Variants in LDB2 observed in about 807,000 individuals in gnomAD.
LDB2 encodes the protein LIM domain binding 2, also known as LIM domain-binding protein 2.
Under a neutral mutation model 44.3 loss-of-function variants are expected in LDB2, and 12 were observed. That is an observed-to-expected ratio of 0.27 (90% confidence interval 0.17 to 0.44). The LOEUF is 0.44. Ranked by LOEUF, LDB2 falls within the 20% of genes least tolerant of loss-of-function variation. The pLI is 1.00. For missense variants in LDB2, 344 were observed against 473.5 expected (o/e 0.73, Z 2.54); for synonymous variants, 164 against 174.8 (o/e 0.94, Z 0.49).
intron 5 of LDB2, among the ~76,000 whole-genome samples, chr4:16,551,804 G>A (rs1419564070): frequency 6.6e-5 from 10 of 152,010 alleles, no homozygotes; most frequent in Non-Finnish European, 1.0e-4. Flanking sequence ...GGTGTGAGCC[G>A]CCGCACCCGA....
At chr4:16,629,216 G>A (rs546432350) in intron 2 of LDB2, among the ~76,000 whole-genome samples, 73 of 152,300 alleles carry the variant, frequency 4.8e-4, no homozygotes, top group Admixed American at 1.2e-3. Context: ...ACAAAAGGCA[G>A]CAGACAGCTT....
At chr4:16,741,910 T>C (rs1174416026) in intron 2 of LDB2, among the ~76,000 whole-genome samples, 1 of 152,206 alleles carries the variant, frequency 6.6e-6, no homozygotes, top group African/African-American at 2.4e-5. Flanking sequence ...TTAAACCTTA[T>C]GAGGTCAGGG....
At chr4:16,590,095 A>G (rs1718391180) in intron 3 of LDB2, among the ~76,000 whole-genome samples, 1 of 152,196 alleles carries the variant, frequency 6.6e-6, no homozygotes, top group African/African-American at 2.4e-5. Context: ...AATGGTCATC[A>G]TGTGCCACCT....
chr4:16,734,730 T>G (rs1190903206), intron 2 of LDB2, among the ~76,000 whole-genome samples: 1 of 146,958 alleles, frequency 6.8e-6, no homozygotes, highest in Non-Finnish European at 1.5e-5. Flanking sequence ...TTTTTTGAGA[T>G]GGAGTTTTGC....
chr4:16,591,955 G>A (rs541022683), intron 3 of LDB2, among the ~76,000 whole-genome samples: 1 of 151,880 alleles, frequency 6.6e-6, no homozygotes, highest in South Asian at 2.1e-4. Flanking sequence ...CTGTTGTGCT[G>A]AATTCATGTT....
At chr4:16,550,445 A>G (rs919013611) in intron 5 of LDB2, among the ~76,000 whole-genome samples, 3 of 152,250 alleles carry the variant, frequency 2.0e-5, no homozygotes, top group African/African-American at 7.2e-5. Flanking sequence ...TGAAAGAATG[A>G]GCTCTCAGAA....
intron 1 of LDB2, among the ~76,000 whole-genome samples, chr4:16,782,904 T>A (rs1487877137): frequency 6.6e-6 from 1 of 152,068 alleles, no homozygotes; most frequent in African/African-American, 2.4e-5. Context: ...TTGGTGTAGA[T>A]AACTTTAGAC....
At chr4:16,798,550 C>T (rs1211311729) in intron 1 of LDB2, among the ~76,000 whole-genome samples, 1 of 152,218 alleles carries the variant, frequency 6.6e-6, no homozygotes, top group East Asian at 1.9e-4. Context: ...TGACTGCCAC[C>T]TCCCAGAAAG....
intron 2 of LDB2, among the ~76,000 whole-genome samples, chr4:16,650,967 T>C (rs2152524335): frequency 6.6e-6 from 1 of 152,346 alleles, no homozygotes. Context: ...GGTTATCATG[T>C]GTGGGGGAAA....
intron 1 of LDB2, among the ~76,000 whole-genome samples, chr4:16,765,880 TTTTGA>T (rs1424700437): frequency 1.1e-4 from 16 of 152,326 alleles, no homozygotes; most frequent in Non-Finnish European, 2.2e-4. Flanking sequence ...ACTGCCACGC[TTTTGA>T]GCCACCTTTG....
At chr4:16,763,749 G>A (rs1768520743) in intron 1 of LDB2, among the ~76,000 whole-genome samples, 2 of 152,262 alleles carry the variant, frequency 1.3e-5, no homozygotes, top group Middle Eastern at 6.8e-3. Context: ...GGGCAGAGCA[G>A]GCAGCCTTAT....
chr4:16,892,904 G>C (rs1430930219), intron 1 of LDB2, among the ~76,000 whole-genome samples: 1 of 151,924 alleles, frequency 6.6e-6, no homozygotes, highest in East Asian at 1.9e-4. Flanking sequence ...AGGCTGATAA[G>C]AATCTGTGTT....
At chr4:16,599,633 A>G (rs950247562) in intron 2 of LDB2, among the ~76,000 whole-genome samples, 6 of 152,144 alleles carry the variant, frequency 3.9e-5, no homozygotes, top group African/African-American at 1.2e-4. Flanking sequence ...AGCAATAAAA[A>G]ATACAAGAAA....
chr4:16,670,326 C>T (rs960404829), intron 2 of LDB2, among the ~76,000 whole-genome samples: 1 of 152,198 alleles, frequency 6.6e-6, no homozygotes, highest in Non-Finnish European at 1.5e-5. Flanking sequence ...CTATCACTTT[C>T]TTCTGCTTCT....
At chr4:16,698,243 G>C (rs1270377605) in intron 2 of LDB2, among the ~76,000 whole-genome samples, 4 of 152,146 alleles carry the variant, frequency 2.6e-5, no homozygotes, top group African/African-American at 7.2e-5. Flanking sequence ...TCTTGAACAT[G>C]TGTCTTGATA....
At chr4:16,647,335 G>A (rs948436077) in intron 2 of LDB2, among the ~76,000 whole-genome samples, 19 of 152,136 alleles carry the variant, frequency 1.2e-4, no homozygotes, top group African/African-American at 4.3e-4. Context: ...TGATGAAAAT[G>A]TTCTAAAATT....
At chr4:16,820,878 T>C (rs1010724421) in intron 1 of LDB2, among the ~76,000 whole-genome samples, 3 of 152,230 alleles carry the variant, frequency 2.0e-5, no homozygotes, top group African/African-American at 7.2e-5. Context: ...AGAATGATAA[T>C]GTTTAATGGT....
At chr4:16,618,621 C>T (rs1467463871) in intron 2 of LDB2, among the ~76,000 whole-genome samples, 1 of 152,178 alleles carries the variant, frequency 6.6e-6, no homozygotes, top group Admixed American at 6.5e-5. Context: ...ACAGAATCTG[C>T]TCTGCTCTGT....
At chr4:16,763,073 CCACACACACACACACACACACACA>C (rs57168902) in intron 1 of LDB2, among the ~76,000 whole-genome samples, 4 of 140,138 alleles carry the variant, frequency 2.9e-5, no homozygotes, top group African/African-American at 7.9e-5. Context: ...TTAGGTAACA[CCACACACACACACACACACACACA>C]CACACACACA....
Sources: allele counts gnomAD v4.1 joint callset (sites outside exome capture counted in the v4.1 genomes callset), GRCh38; gene constraint gnomAD v4.1.1; transcripts MANE v1.5; gene names NCBI Gene and HGNC (gene_info 2026-07-23, HGNC 2026-07-21).